The following NFIA variants were observed in gnomAD, a reference collection of about 807,000 sequenced individuals.
The protein encoded by NFIA is nuclear factor 1 A-type.
Under a neutral mutation model 62.8 loss-of-function variants are expected in NFIA, and 8 were observed. The ratio of observed to expected loss-of-function variants is 0.13; its 90% confidence interval spans 0.07 to 0.23. The LOEUF is 0.23. Among genes scored for constraint, NFIA ranks in the 10% least tolerant of loss-of-function variants. NFIA has a pLI of 1.00. For missense variants in NFIA, 410 were observed against 642.1 expected (o/e 0.64, Z 3.91); for synonymous variants, 235 against 238.1 (o/e 0.99, Z 0.12).
chr1:61,280,329 A>T (rs1166284960), intron 3 of NFIA, among the ~76,000 whole-genome samples: 1 of 152,168 alleles, frequency 6.6e-6, no homozygotes, highest in Non-Finnish European at 1.5e-5. Flanking sequence ...TGAAAGAGGG[A>T]ACTCTCATAG....
At chr1:61,118,512 A>C (rs2100465842) in intron 2 of NFIA, among the ~76,000 whole-genome samples, 1 of 152,114 alleles carries the variant, frequency 6.6e-6, no homozygotes, top group South Asian at 2.1e-4. Flanking sequence ...ATAATTTCTA[A>C]TGTGATAGAT....
intron 2 of NFIA, among the ~76,000 whole-genome samples, chr1:61,126,777 C>CCTTT (rs1557583559): frequency 1.1e-5 from 1 of 87,330 alleles, no homozygotes; most frequent in African/African-American, 4.3e-5. Context: ...TGTCAGATTC[C>CCTTT]TTTTTTTTTT....
intron 2 of NFIA, among the ~76,000 whole-genome samples, chr1:61,175,277 G>C (rs969502025): frequency 6.6e-6 from 1 of 151,992 alleles, no homozygotes; most frequent in African/African-American, 2.4e-5. Flanking sequence ...GAGTAGCTGG[G>C]ACTACAAGCT....
chr1:61,181,213 T>G (rs1439916495), intron 2 of NFIA, among the ~76,000 whole-genome samples: 1 of 152,198 alleles, frequency 6.6e-6, no homozygotes. Flanking sequence ...GCAAATGAAT[T>G]AGACTGGCAA....
At chr1:61,078,973 C>T (rs762789079), upstream of NFIA, among the ~76,000 whole-genome samples, 7 of 152,100 alleles carry the variant, frequency 4.6e-5, no homozygotes, top group Non-Finnish European at 8.8e-5. Context: ...GCGTAGACAC[C>T]CAATTCTGTT....
chr1:61,088,140 T>C lies in NFIA; in HGVS notation c.28-9T>C. On this transcript the variant is annotated splice_polypyrimidine_tract_variant and intron_variant, in intron 1 of 10. Transcript: ENST00000403491. This position sits in a 1 kb window ranked among gnomAD's most constrained non-coding sequence, Gnocchi z 4.5. ...CTACTTATATTTTTCTTTTTGTTCA[T>C]TTTCCTAGGATGAATTTCATCCTTT... is the stretch of plus-strand genomic sequence containing the variant. The C allele has an allele frequency of 2.0e-5, 32 of 1,571,968 alleles. No homozygotes were observed. Among genetic ancestry groups the C allele is most frequent in the Non-Finnish European group, 2.6e-5 (30 of 1,163,360 alleles).
chr1:61,404,600 C>G (rs997179370), intron 8 of NFIA, among the ~76,000 whole-genome samples: 1 of 152,132 alleles, frequency 6.6e-6, no homozygotes, highest in African/African-American at 2.4e-5. Context: ...AGGGCTCATA[C>G]AGTTAACAAA....
intron 6 of NFIA, among the ~76,000 whole-genome samples, chr1:61,365,331 G>A (rs1000851716): frequency 1.3e-5 from 2 of 152,114 alleles, no homozygotes; most frequent in African/African-American, 4.8e-5. Context: ...CTTTAGGTGG[G>A]TTCTCCCTAC....
At chr1:61,185,206 T>C (rs1355213984) in intron 2 of NFIA, among the ~76,000 whole-genome samples, 3 of 152,214 alleles carry the variant, frequency 2.0e-5, no homozygotes, top group Admixed American at 1.3e-4. Context: ...TAGCAAGTTA[T>C]GTAAGCCCAC....
chr1:61,441,842 T>C (rs570753196), intron 10 of NFIA, among the ~76,000 whole-genome samples: 1 of 152,272 alleles, frequency 6.6e-6, no homozygotes, highest in Admixed American at 6.5e-5. Flanking sequence ...CAAACATTTT[T>C]TTCCTGTCTT....
At chr1:61,369,288 T>C (rs1387352548) in intron 6 of NFIA, among the ~76,000 whole-genome samples, 1 of 152,136 alleles carries the variant, frequency 6.6e-6, no homozygotes, top group East Asian at 1.9e-4. Context: ...GTTTTCTGAT[T>C]TGTAGATAAT....
chr1:61,132,675 A>G (rs1647101991), intron 2 of NFIA: 1 of 152,262 alleles, frequency 6.6e-6, no homozygotes, highest in Admixed American at 6.5e-5. Flanking sequence ...CAAAGAAACT[A>G]AAATCTGTTT....
Position 61,200,010 on chromosome 1 carries a change from GTATATATATATATATATATATATA to G in NFIA, c.560-77476_560-77453del, listed in dbSNP as rs60422302. On this transcript the variant is annotated intron_variant, in intron 2 of 10. Transcript: ENST00000403491. ...ACTCCAACTCACAAAATATATATAT[GTATATATATATATATATATATATA>G]TATATATATATATATATATATATAT... 3.5e-3 allele frequency among the ~76,000 whole-genome samples: 186 copies of G among 52,820 alleles called. 3 individuals are homozygous for G. The highest frequency in any genetic ancestry group is 0.021 in the Middle Eastern group (1 of 48). 34.7% of individuals were successfully genotyped at this position (52,820 alleles called of 152,430 possible).
At chr1:61,367,890 C>T (rs145547930) in intron 6 of NFIA, among the ~76,000 whole-genome samples, 63 of 151,944 alleles carry the variant, frequency 4.1e-4, no homozygotes, top group African/African-American at 1.4e-3. Context: ...TAGTACCTGG[C>T]GACTTAGTAG....
intron 2 of NFIA, among the ~76,000 whole-genome samples, chr1:61,131,776 TAGTA>T (rs1647084091): frequency 6.6e-6 from 1 of 152,302 alleles, no homozygotes; most frequent in African/African-American, 2.4e-5. Context: ...TCAGTCAGGA[TAGTA>T]AGTATGTGAT....
At chr1:61,274,389 C>A (rs186676554) in intron 2 of NFIA, among the ~76,000 whole-genome samples, 132 of 152,192 alleles carry the variant, frequency 8.7e-4, no homozygotes, top group Non-Finnish European at 1.7e-3. Context: ...AATTGATAAC[C>A]CTAATGTACT....
intron 2 of NFIA, among the ~76,000 whole-genome samples, chr1:61,192,280 G>A (rs370633122): frequency 7.2e-5 from 11 of 151,826 alleles, no homozygotes; most frequent in East Asian, 1.9e-4. Flanking sequence ...CACTGCACCC[G>A]GCCAAAAAAT....
At chr1:61,226,096 C>T (rs1056719931) in intron 2 of NFIA, among the ~76,000 whole-genome samples, 3 of 152,076 alleles carry the variant, frequency 2.0e-5, no homozygotes, top group African/African-American at 7.2e-5. Context: ...CAGAAGAAAA[C>T]CCAACTTTAG....
At chr1:61,213,450 T>G (rs1339839911) in intron 2 of NFIA, among the ~76,000 whole-genome samples, 1 of 152,230 alleles carries the variant, frequency 6.6e-6, no homozygotes, top group Admixed American at 6.5e-5. Context: ...ACCCTGTTCA[T>G]GATGGGCCTG....
Sources: allele counts gnomAD v4.1 joint callset (sites outside exome capture counted in the v4.1 genomes callset), GRCh38; gene constraint gnomAD v4.1.1; non-coding constraint Gnocchi (gnomAD v3.1); transcripts MANE v1.5; gene names NCBI Gene and HGNC (gene_info 2026-07-23, HGNC 2026-07-21).